Variants in NUP205 observed in about 807,000 individuals in gnomAD.
NUP205 encodes nucleoporin 205.
A neutral mutation model predicts 253.8 loss-of-function variants in NUP205; 76 were observed. That is an observed-to-expected ratio of 0.30 (90% confidence interval 0.25 to 0.36). NUP205 has a LOEUF of 0.36. Among genes scored for constraint, NUP205 ranks in the 10% least tolerant of loss-of-function variants. The pLI is 1.00. For missense variants in NUP205, 2,162 were observed against 2,425.5 expected, an observed-to-expected ratio of 0.89 and a Z score of 2.28; for synonymous variants, 832 against 850.1, an observed-to-expected ratio of 0.98 and a Z score of 0.37.
chr7:135,613,273 A>AT (rs1794282119), intron 22 of NUP205, among the ~76,000 whole-genome samples: 1 of 151,808 alleles, frequency 6.6e-6, no homozygotes, highest in Non-Finnish European at 1.5e-5. Flanking sequence ...TATGTTATTC[A>AT]TATCTGTAAT....
Position 135,616,202 on chromosome 7 carries a change from C to G in NUP205, c.3460+137C>G, listed in dbSNP as rs1425268099. On this transcript the variant is annotated intron_variant, in intron 24 of 42. Transcript: ENST00000285968. ...TTTAGAATTTTTTTTTCTTAAAACACAAAAATTTTAACTCATCTTATGATT... is the reference window on the plus strand; with the variant it reads ...TTTAGAATTTTTTTTTCTTAAAACAGAAAAATTTTAACTCATCTTATGATT... 6 of 711,228 alleles carry G rather than the reference C, an allele frequency of 8.4e-6. No individual in the cohort carries two copies. The East Asian group carries it at 8.8e-5, about 10-fold the overall frequency. 44.1% of individuals were successfully genotyped at this position (711,228 alleles called of 1,614,324 possible). A position where few individuals can be genotyped will look rare whatever the true frequency, so the allele number is the denominator to read the frequency against.
chr7:135,581,947 A>G (rs146773310), intron 7 of NUP205, among the ~76,000 whole-genome samples: 122 of 152,270 alleles, frequency 8.0e-4, no homozygotes, highest in African/African-American at 2.9e-3. Context: ...TTGAAACTCA[A>G]TTTATATTAA....
At chr7:135,570,029 T>TTATATATATA (rs145414092) in intron 1 of NUP205, among the ~76,000 whole-genome samples, 7 of 98,570 alleles carry the variant, frequency 7.1e-5, no homozygotes, top group African/African-American at 2.2e-4. Context: ...TGTTTATGTT[T>TTATATATATA]TATATATATA....
Position 135,578,863 on chromosome 7 carries a change from A to G in NUP205, c.990A>G (p.Arg330=). The change falls in exon 7 of 43, where the codon AGA becomes AGG. Residue 330 remains arginine, a synonymous_variant. Transcript: ENST00000285968. ...TGCCTGGGCTCCAAGCCACTGTTAG[A>G]CTTGCCTGGGCGCTGGCATTGAGGG... The part of the protein sequence containing the change: ...WKLPGLQATV[R]LAWALALRGI... 1.2e-6 allele frequency: 2 copies of G among 1,611,688 alleles called. No individual in the cohort carries two copies. The highest frequency in any genetic ancestry group is 1.3e-5 in the African/African-American group (1 of 74,988).
intron 19 of NUP205, among the ~76,000 whole-genome samples, chr7:135,604,807 C>G (rs1403751878): frequency 2.0e-5 from 3 of 152,204 alleles, no homozygotes; most frequent in Admixed American, 2.0e-4. Context: ...TAAGTGAGCC[C>G]TCTGCAAGTT....
At chr7:135,592,236 C>G (rs1806648342) in intron 11 of NUP205, among the ~76,000 whole-genome samples, 1 of 152,188 alleles carries the variant, frequency 6.6e-6, no homozygotes, top group Admixed American at 6.5e-5. Context: ...GTGTGCTATG[C>G]TTTTGCTTCC....
At chr7:135,568,423 C>T (rs1805845429) in intron 1 of NUP205, among the ~76,000 whole-genome samples, 1 of 151,828 alleles carries the variant, frequency 6.6e-6, no homozygotes, top group Admixed American at 6.6e-5. Context: ...ACCTCCACCT[C>T]CCAGGTTCAA....
intron 36 of NUP205, among the ~76,000 whole-genome samples, 180 bp from the exon 37 acceptor site, chr7:135,637,740 CTACCAATCAAA>C (rs1172245812): frequency 6.6e-6 from 1 of 152,082 alleles, no homozygotes; most frequent in Non-Finnish European, 1.5e-5. Context: ...CATCTGTTAG[CTACCAATCAAA>C]TACCTTTGCA....
intron 35 of NUP205, 172 bp from the exon 36 acceptor site, chr7:135,635,409 A>G (rs2129492317): frequency 4.8e-6 from 2 of 417,780 alleles, no homozygotes; most frequent in Middle Eastern, 6.4e-4. Flanking sequence ...GCTGTTATTA[A>G]TATATAACAG....
At chr7:135,566,228 C>T (rs1224691531) in intron 1 of NUP205, among the ~76,000 whole-genome samples, 1 of 152,082 alleles carries the variant, frequency 6.6e-6, no homozygotes, top group African/African-American at 2.4e-5. Flanking sequence ...TGTGCCTCAA[C>T]CCTCCTTGTA....
Position 135,618,524 on chromosome 7 carries a change from C to T in NUP205, c.3884C>T (p.Thr1295Ile). The T allele has an allele frequency of 6.2e-7, 1 of 1,614,038 alleles. No individual in the cohort carries two copies. The highest frequency in any genetic ancestry group is 8.5e-7 in the Non-Finnish European group (1 of 1,179,972). ...SWRQLVEIIL[T>I]ACPQDLIQAE... ...AGGCAACTAGTAGAAATTATACTGA[C>T]AGCTTGTCCCCAGGACCTCATTCAG... Residue 1295 changes from threonine to isoleucine, a missense_variant, in exon 28 of 43, where the codon ACA becomes ATA. Thr to Ile is a moderately conservative substitution (Grantham distance 89, BLOSUM62 -1). Around this residue, in one of 5 missense-constraint regions of NUP205, gnomAD observed 1,144 missense variants for 1,280.9 expected, o/e 0.89. Transcript: ENST00000285968.
At chr7:135,563,351 C>A (rs1805644987) in intron 1 of NUP205, among the ~76,000 whole-genome samples, 1 of 151,952 alleles carries the variant, frequency 6.6e-6, no homozygotes, top group African/African-American at 2.4e-5. Context: ...TCACGCCTGG[C>A]TAATTTTTTG....
chr7:135,619,945 GA>G (rs140432201), intron 30 of NUP205, 57 bp downstream of exon 30: 24,012 of 1,041,576 alleles, frequency 0.023, 598 homozygotes, highest in African/African-American at 0.087. Flanking sequence ...ACTTTAAATT[GA>G]AAAAAAAAAT....
chr7:135,560,118 A>G (rs1195613475), intron 1 of NUP205, among the ~76,000 whole-genome samples: 1 of 151,994 alleles, frequency 6.6e-6, no homozygotes, highest in East Asian at 1.9e-4. Context: ...TCAGCCTCCC[A>G]AAGTGCTGGG....
At chr7:135,612,008 T>C (rs943961954) in intron 22 of NUP205, among the ~76,000 whole-genome samples, 1 of 151,926 alleles carries the variant, frequency 6.6e-6, no homozygotes, top group African/African-American at 2.4e-5. Flanking sequence ...TAGTCCCAGC[T>C]ACTCAGGAGG....
intron 22 of NUP205, 150 bp downstream of exon 22, chr7:135,607,521 C>T (rs768107817): frequency 2.2e-5 from 19 of 845,710 alleles, no homozygotes; most frequent in East Asian, 1.2e-4. Context: ...GGATAAAATC[C>T]GTAAAGCACA....
intron 2 of NUP205, among the ~76,000 whole-genome samples, chr7:135,572,823 A>G (rs1209927058): frequency 1.3e-5 from 2 of 152,166 alleles, no homozygotes; most frequent in East Asian, 1.9e-4. Flanking sequence ...TCAAAGTGCT[A>G]GGATTATAGG....
At chr7:135,581,269 T>G (rs562071729) in intron 7 of NUP205, among the ~76,000 whole-genome samples, 127 of 152,282 alleles carry the variant, frequency 8.3e-4, no homozygotes, top group African/African-American at 3.0e-3. Context: ...TGAAGCCAGG[T>G]GCAGTGCCTC....
intron 1 of NUP205, among the ~76,000 whole-genome samples, chr7:135,560,551 A>C (rs1226571570): frequency 6.6e-6 from 1 of 152,236 alleles, no homozygotes; most frequent in Non-Finnish European, 1.5e-5. Context: ...GAGTGGGTAA[A>C]GGAAATGTGT....
Sources: allele counts gnomAD v4.1 joint callset (sites outside exome capture counted in the v4.1 genomes callset), GRCh38; gene constraint gnomAD v4.1.1; regional missense constraint gnomAD v4.1.1; transcripts MANE v1.5; gene names NCBI Gene and HGNC (gene_info 2026-07-23, HGNC 2026-07-21).